Variants in NEURL1 observed in about 807,000 individuals in gnomAD.
NEURL1 encodes neuralized E3 ubiquitin protein ligase 1.
A neutral mutation model predicts 41.2 loss-of-function variants in NEURL1; 26 were observed. The ratio of observed to expected loss-of-function variants is 0.63; its 90% CI spans 0.46 to 0.87. The LOEUF (loss-of-function observed/expected upper bound fraction) is 0.87. Among genes scored for constraint, NEURL1 ranks in the 40% least tolerant of loss-of-function variants. The pLI, the probability that NEURL1 is intolerant of heterozygous loss-of-function variation, is 0.00. For missense variants in NEURL1, 761 were observed against 871.1 expected (o/e 0.87, Z 1.59); for synonymous variants, 400 against 402.3 (o/e 0.99, Z 0.07).
In NEURL1 at chr10:103,585,242, G is replaced by C; in HGVS notation, c.1339+17G>C. The C allele has an allele frequency of 6.7e-7, 1 of 1,487,066 alleles. No individual in the cohort carries two copies. The highest frequency in any genetic ancestry group is 8.9e-7 in the Non-Finnish European group (1 of 1,118,960). The allele number at this position is 1,487,066 out of a possible 1,614,324, so 92.1% of individuals were successfully genotyped here. ...GCATCCTCGGTGAGTGCCCGCAGCT[G>C]CGCCTGGGCGTATGCCTTTCCTGGA... On this transcript the variant is annotated intron_variant, in intron 4 of 5. Transcript: ENST00000369780.
chr10:103,526,810 G>A (rs2034468238), intron 1 of NEURL1, among the ~76,000 whole-genome samples: 1 of 152,000 alleles, frequency 6.6e-6, no homozygotes, highest in South Asian at 2.1e-4. Context: ...ACGCTGGCTG[G>A]TTTTCTTTTA....
chr10:103,572,250 C>T (rs1432701450), intron 3 of NEURL1, among the ~76,000 whole-genome samples: 1 of 152,206 alleles, frequency 6.6e-6, no homozygotes, highest in African/African-American at 2.4e-5. Context: ...AACTCAAGTC[C>T]AGGGAGATTA....
chr10:103,515,245 A>G (rs201853454), intron 1 of NEURL1: 24 of 82,696 alleles, frequency 2.9e-4, no homozygotes, highest in African/African-American at 7.8e-4. Context: ...AAAAAAAAAA[A>G]AAAAAAAAAA....
chr10:103,503,321 CT>C (rs2033868170), intron 1 of NEURL1, among the ~76,000 whole-genome samples: 1 of 152,110 alleles, frequency 6.6e-6, no homozygotes, highest in Non-Finnish European at 1.5e-5. Flanking sequence ...GGTGTTGACA[CT>C]TGTAGGGGGT....
chr10:103,574,679 G>T (rs1243712705), intron 3 of NEURL1, among the ~76,000 whole-genome samples: 5 of 152,212 alleles, frequency 3.3e-5, no homozygotes, highest in Non-Finnish European at 7.3e-5. Context: ...ACGACAGACG[G>T]GCTTCCCACC....
At chr10:103,523,520 A>G (rs561320717) in intron 1 of NEURL1, among the ~76,000 whole-genome samples, 26 of 152,244 alleles carry the variant, frequency 1.7e-4, no homozygotes, top group Admixed American at 4.6e-4. Flanking sequence ...TAGTCACCCT[A>G]TAGTGCTATA....
intron 1 of NEURL1, among the ~76,000 whole-genome samples, chr10:103,562,265 C>T (rs1387500391): frequency 6.6e-6 from 1 of 152,210 alleles, no homozygotes; most frequent in Non-Finnish European, 1.5e-5. Flanking sequence ...CGCCTGTAAT[C>T]CCAGCTACTC....
intron 1 of NEURL1, among the ~76,000 whole-genome samples, chr10:103,512,612 C>T (rs1357029611): frequency 6.6e-6 from 1 of 152,114 alleles, no homozygotes; most frequent in Non-Finnish European, 1.5e-5. Context: ...GCCTGGGTGA[C>T]ATGGAGAAAC....
intron 1 of NEURL1, among the ~76,000 whole-genome samples, chr10:103,565,695 TGC>T (rs2035408176): frequency 6.6e-6 from 1 of 152,230 alleles, no homozygotes; most frequent in Non-Finnish European, 1.5e-5. Context: ...CTTGCTCTAT[TGC>T]CCAGGATAGA....
At chr10:103,573,558 C>G (rs1303408729) in intron 3 of NEURL1, among the ~76,000 whole-genome samples, 1 of 152,146 alleles carries the variant, frequency 6.6e-6, no homozygotes, top group Non-Finnish European at 1.5e-5. Flanking sequence ...GCTCTGGTAT[C>G]CTCAGGGCCC....
intron 1 of NEURL1, among the ~76,000 whole-genome samples, chr10:103,559,841 T>C (rs1339482838): frequency 7.0e-6 from 1 of 143,860 alleles, no homozygotes; most frequent in Non-Finnish European, 1.5e-5. Flanking sequence ...CACACACATA[T>C]GTGCGCACAC....
intron 1 of NEURL1, among the ~76,000 whole-genome samples, chr10:103,547,684 T>A (rs533974888): frequency 6.6e-6 from 1 of 151,968 alleles, no homozygotes; most frequent in East Asian, 1.9e-4. Context: ...GGGGCTAAAG[T>A]TGTATATGTG....
chr10:103,561,453 G>A (rs1399022397), intron 1 of NEURL1, among the ~76,000 whole-genome samples: 6 of 152,038 alleles, frequency 3.9e-5, no homozygotes, highest in Non-Finnish European at 7.4e-5. Flanking sequence ...TAGTAGAGAC[G>A]GGGTTTTATC....
In NEURL1 at chr10:103,584,781, C is replaced by A; in HGVS notation, c.895C>A (p.Leu299Met). The part of the protein sequence containing the change: ...QLDGDLRFHA[L>M]RAGAHVRILD... Reference sequence around the variant, plus strand: ...CGACGGCGACCTGCGTTTCCACGCCCTGCGCGCCGGCGCGCACGTCCGCAT... The same window carrying A: ...CGACGGCGACCTGCGTTTCCACGCCATGCGCGCCGGCGCGCACGTCCGCAT... The change falls in exon 4 of 6, where the codon CTG (leucine) becomes ATG (methionine). Residue 299 changes from leucine (L) to methionine (M), a missense_variant. By Grantham distance (15) the Leu-to-Met change is conservative. This residue lies in a region of NEURL1 where 443 missense variants were observed against 408.1 expected (regional missense o/e 1.09). Coordinates refer to ENST00000369780, the MANE Select transcript of NEURL1 (RefSeq NM_004210.5). The A allele has an allele frequency of 2.1e-6, 3 of 1,434,132 alleles. No individual in the cohort carries two copies. Among genetic ancestry groups the A allele is most frequent in the South Asian group, 2.7e-5 (2 of 73,006 alleles). The allele number at this position is 1,434,132 out of a possible 1,614,324, so 88.8% of individuals were successfully genotyped here.
At chr10:103,589,733 G>A (rs1409106402) in intron 5 of NEURL1, 73 bp downstream of exon 5, 32 of 1,534,244 alleles carry the variant, frequency 2.1e-5, no homozygotes, top group Non-Finnish European at 2.6e-5. Context: ...TTGTGTCCGG[G>A]GCTGGGAGTG....
intron 1 of NEURL1, among the ~76,000 whole-genome samples, chr10:103,531,046 C>A (rs972028148): frequency 6.6e-6 from 1 of 151,742 alleles, no homozygotes; most frequent in African/African-American, 2.4e-5. Flanking sequence ...ATGGTGACAC[C>A]CTGTCTCTAC....
At chr10:103,528,807 G>A (rs2133858301) in intron 1 of NEURL1, among the ~76,000 whole-genome samples, 1 of 152,284 alleles carries the variant, frequency 6.6e-6, no homozygotes, top group South Asian at 2.1e-4. Context: ...CCCAGTTCCT[G>A]GAAAGAACTG....
At chr10:103,522,095 T>A (rs2133855283) in intron 1 of NEURL1, among the ~76,000 whole-genome samples, 1 of 152,146 alleles carries the variant, frequency 6.6e-6, no homozygotes, top group Admixed American at 6.5e-5. Context: ...GGTTAATCAC[T>A]CGGTTAAGGT....
chr10:103,561,366 A>G (rs1223213834), intron 1 of NEURL1, among the ~76,000 whole-genome samples: 1 of 151,742 alleles, frequency 6.6e-6, no homozygotes, highest in Non-Finnish European at 1.5e-5. Flanking sequence ...GATTCAAGCA[A>G]TTCTCCTGCC....
Sources: gnomAD v4.1 joint callset for allele counts (sites outside exome capture counted in the v4.1 genomes callset) on GRCh38, gnomAD v4.1.1 for gene constraint, gnomAD v4.1.1 regional missense constraint, MANE v1.5 for transcripts, NCBI Gene and HGNC (gene_info 2026-07-23, HGNC 2026-07-21) for gene names.